The following CCDC148 variants were observed in gnomAD, a reference collection of about 807,000 sequenced individuals.
CCDC148 encodes coiled-coil domain containing 148.
CCDC148 carries 89 observed loss-of-function variants against 85.7 expected under a neutral mutation model. The ratio of observed to expected loss-of-function variants is 1.04; its 90% CI spans 0.87 to 1.24. The LOEUF is 1.24. Ranked by LOEUF, CCDC148 falls within the 50% of genes most tolerant of loss-of-function variation. The probability of loss-of-function intolerance (pLI) is 0.00; values close to 1 mark genes in which losing one functional copy is unlikely to be tolerated. For missense variants in CCDC148, 692 were observed against 671.7 expected (o/e 1.03, Z -0.33); for synonymous variants, 230 against 213.9 (o/e 1.08, Z -0.66).
intron 9 of CCDC148, among the ~76,000 whole-genome samples, chr2:158,301,753 T>G (rs1348872829): frequency 1.3e-5 from 2 of 151,762 alleles, no homozygotes; most frequent in African/African-American, 2.4e-5. Context: ...AACAGGGAAG[T>G]GAAGGGGAGA....
intron 1 of CCDC148, among the ~76,000 whole-genome samples, chr2:158,422,063 C>A (rs1179958451): frequency 1.3e-5 from 2 of 152,130 alleles, no homozygotes; most frequent in Non-Finnish European, 2.9e-5. Flanking sequence ...CTTGAATAGA[C>A]CAATAACAGG....
intron 1 of CCDC148, among the ~76,000 whole-genome samples, chr2:158,455,088 T>G (rs1349346442): frequency 6.6e-6 from 1 of 152,256 alleles, no homozygotes; most frequent in Non-Finnish European, 1.5e-5. Flanking sequence ...TTGATGTTAT[T>G]GAAATTTAAA....
chr2:158,401,189 T>A (rs991107185), intron 1 of CCDC148, among the ~76,000 whole-genome samples: 1 of 152,142 alleles, frequency 6.6e-6, no homozygotes, highest in African/African-American at 2.4e-5. Context: ...GACCCAGCAA[T>A]CCCATTACTG....
chr2:158,208,662 G>C (rs904382679), intron 11 of CCDC148, among the ~76,000 whole-genome samples: 7 of 152,136 alleles, frequency 4.6e-5, no homozygotes, highest in Admixed American at 6.5e-5. Flanking sequence ...AACTTAAGAG[G>C]ATAATTCCGA....
intron 1 of CCDC148, chr2:158,366,161 A>C: frequency 9.7e-7 from 1 of 1,034,756 alleles, no homozygotes; most frequent in Non-Finnish European, 1.4e-6. Context: ...TATTTTTAAA[A>C]GTAAGACCCA....
chr2:158,208,364 G>GC (rs1686366607), intron 11 of CCDC148, among the ~76,000 whole-genome samples: 1 of 151,914 alleles, frequency 6.6e-6, no homozygotes, highest in Admixed American at 6.6e-5. Flanking sequence ...TCGCTTCTGA[G>GC]CCCCCTTCCT....
At chr2:158,420,322 A>G (rs1018180838) in intron 1 of CCDC148, among the ~76,000 whole-genome samples, 1 of 152,168 alleles carries the variant, frequency 6.6e-6, no homozygotes, top group Admixed American at 6.5e-5. Context: ...TAAAAATGTT[A>G]AGGGCAGCCA....
chr2:158,319,098 C>T (rs1158915978), intron 7 of CCDC148, among the ~76,000 whole-genome samples: 3 of 152,158 alleles, frequency 2.0e-5, no homozygotes, highest in Non-Finnish European at 4.4e-5. Context: ...GATGTAATTG[C>T]TCAACCACCC....
chr2:158,295,827 C>A, intron 9 of CCDC148, among the ~76,000 whole-genome samples: 1 of 151,358 alleles, frequency 6.6e-6, no homozygotes, highest in Non-Finnish European at 1.5e-5. Context: ...GACAGGGATG[C>A]CCTCTCTCAG....
chr2:158,346,484 C>G (rs1490653570), intron 2 of CCDC148, among the ~76,000 whole-genome samples: 1 of 152,084 alleles, frequency 6.6e-6, no homozygotes, highest in Non-Finnish European at 1.5e-5. Context: ...ACTTGTCAAT[C>G]TCCGTATTGC....
At chr2:158,249,631 C>T (rs2105140633) in intron 10 of CCDC148, among the ~76,000 whole-genome samples, 1 of 152,254 alleles carries the variant, frequency 6.6e-6, no homozygotes, top group South Asian at 2.1e-4. Context: ...GCTGCCTCTA[C>T]ACCAATTTGC....
intron 9 of CCDC148, among the ~76,000 whole-genome samples, chr2:158,292,202 A>C (rs1690926563): frequency 1.3e-5 from 2 of 152,198 alleles, no homozygotes; most frequent in Non-Finnish European, 2.9e-5. Flanking sequence ...ATATTGGAGA[A>C]ACTCAATATA....
intron 2 of CCDC148, among the ~76,000 whole-genome samples, chr2:158,352,985 A>G (rs929724262): frequency 6.7e-6 from 1 of 150,374 alleles, no homozygotes; most frequent in Non-Finnish European, 1.5e-5. Flanking sequence ...TAAGCTTCAT[A>G]AGTGAAGGAG....
At chr2:158,444,057 A>T (rs1688058136) in intron 1 of CCDC148, among the ~76,000 whole-genome samples, 1 of 152,262 alleles carries the variant, frequency 6.6e-6, no homozygotes, top group South Asian at 2.1e-4. Context: ...TTAGAGTAAT[A>T]GTCAGATAAA....
intron 1 of CCDC148, among the ~76,000 whole-genome samples, chr2:158,416,348 T>G (rs1686499437): frequency 6.6e-6 from 1 of 152,220 alleles, no homozygotes; most frequent in African/African-American, 2.4e-5. Flanking sequence ...TCCTCTTTAC[T>G]TAGGCAAATT....
intron 1 of CCDC148, among the ~76,000 whole-genome samples, chr2:158,398,281 T>C (rs1685619790): frequency 1.3e-5 from 2 of 152,226 alleles, no homozygotes; most frequent in Middle Eastern, 3.4e-3. Flanking sequence ...GCAGACCTAA[T>C]AGACATCTAC....
rs148956139 is a variant in CCDC148, at chr2:158,173,625, C to A, written c.1630-1366G>T. On this transcript the variant is annotated intron_variant, in intron 13 of 13. Transcript: ENST00000283233. ...TCAGAAACACTATGAAAACAAGAAT[C>A]AATAGCACTTGGCAGTTGATCAGAT... Among the ~76,000 whole-genome samples, 1,367 of 152,092 alleles carry A rather than the reference C, an allele frequency of 9.0e-3. 13 individuals carry two copies. The highest frequency in any genetic ancestry group is 0.016 in the Admixed American group (237 of 15,246).
At chr2:158,359,538 G>A (rs185299258) in intron 1 of CCDC148, among the ~76,000 whole-genome samples, 5 of 152,274 alleles carry the variant, frequency 3.3e-5, no homozygotes, top group South Asian at 2.1e-4. Flanking sequence ...ACAGCAAGCC[G>A]AAGCAGGGTG....
At chr2:158,244,950 T>A (rs1383703697) in intron 10 of CCDC148, among the ~76,000 whole-genome samples, 1 of 152,190 alleles carries the variant, frequency 6.6e-6, no homozygotes, top group Non-Finnish European at 1.5e-5. Flanking sequence ...GCTCACCATT[T>A]TTTCTACTCT....
Sources: allele counts gnomAD v4.1 joint callset (sites outside exome capture counted in the v4.1 genomes callset), GRCh38; gene constraint gnomAD v4.1.1; transcripts MANE v1.5; gene names NCBI Gene and HGNC (gene_info 2026-07-23, HGNC 2026-07-21).